The following ITGBL1 variants were observed in gnomAD, a reference collection of about 807,000 sequenced individuals.
The protein encoded by ITGBL1 is integrin subunit beta like 1.
Under a neutral mutation model 68.5 loss-of-function variants are expected in ITGBL1, and 51 were observed. That is an observed-to-expected ratio of 0.74 (90% CI 0.59 to 0.94). The LOEUF is 0.94. Ranked by LOEUF, ITGBL1 falls within the 40% of genes least tolerant of loss-of-function variation. ITGBL1 has a pLI of 0.00. For missense variants in ITGBL1, 649 were observed against 647.4 expected (o/e 1.00, Z -0.03); for synonymous variants, 209 against 227.3 (o/e 0.92, Z 0.72).
intron 7 of ITGBL1, among the ~76,000 whole-genome samples, chr13:101,635,095 C>G (rs556152056): frequency 6.6e-6 from 1 of 151,322 alleles, no homozygotes; most frequent in East Asian, 1.9e-4. Flanking sequence ...ATTATATAGT[C>G]AAAAGAAAAT....
chr13:101,520,869 C>T (rs1165606640), intron 2 of ITGBL1, among the ~76,000 whole-genome samples: 2 of 152,176 alleles, frequency 1.3e-5, no homozygotes, highest in Non-Finnish European at 2.9e-5. Flanking sequence ...TCCACTCAAA[C>T]CCATTGGTGG....
chr13:101,550,135 G>A (rs751323219), intron 2 of ITGBL1, among the ~76,000 whole-genome samples: 17 of 152,104 alleles, frequency 1.1e-4, no homozygotes, highest in Non-Finnish European at 1.9e-4. Flanking sequence ...TTTAGATATT[G>A]GGAGAAAATT....
At chr13:101,701,084 TAG>T (rs1282581899) in intron 8 of ITGBL1, among the ~76,000 whole-genome samples, 1 of 152,190 alleles carries the variant, frequency 6.6e-6, no homozygotes, top group Non-Finnish European at 1.5e-5. Flanking sequence ...ACTAAATTAT[TAG>T]AGTTTATTAA....
intron 7 of ITGBL1, among the ~76,000 whole-genome samples, chr13:101,657,008 A>G (rs997232423): frequency 1.3e-5 from 2 of 149,862 alleles, no homozygotes; most frequent in Non-Finnish European, 3.0e-5. Context: ...CACATTGTGC[A>G]GGTTAGTTAC....
chr13:101,640,563 C>T (rs937105395), intron 7 of ITGBL1, among the ~76,000 whole-genome samples: 1 of 152,108 alleles, frequency 6.6e-6, no homozygotes, highest in African/African-American at 2.4e-5. Context: ...AGAACGCACA[C>T]TTTTCTTATT....
intron 8 of ITGBL1, among the ~76,000 whole-genome samples, chr13:101,699,451 G>A (rs2034080318): frequency 6.6e-6 from 1 of 152,184 alleles, no homozygotes; most frequent in African/African-American, 2.4e-5. Flanking sequence ...GGGACCAAGT[G>A]GGAGGTAATT....
At chr13:101,710,444 C>T (rs901422139) in intron 9 of ITGBL1, among the ~76,000 whole-genome samples, 3 of 152,160 alleles carry the variant, frequency 2.0e-5, no homozygotes, top group Admixed American at 2.0e-4. Context: ...CAGTGGGGAG[C>T]ACTACCCCAC....
intron 5 of ITGBL1, among the ~76,000 whole-genome samples, chr13:101,579,842 G>A (rs1352772273): frequency 6.6e-6 from 1 of 152,092 alleles, no homozygotes; most frequent in Non-Finnish European, 1.5e-5. Context: ...ATGAGTATAT[G>A]GAAGGCTTGG....
intron 2 of ITGBL1, among the ~76,000 whole-genome samples, chr13:101,520,424 G>T (rs911833557): frequency 7.9e-5 from 12 of 152,104 alleles, no homozygotes; most frequent in Non-Finnish European, 1.8e-4. Context: ...TTTTAAATGA[G>T]TGTGATAGTA....
intron 2 of ITGBL1, among the ~76,000 whole-genome samples, chr13:101,516,543 T>G (rs2139123566): frequency 6.6e-6 from 1 of 152,236 alleles, no homozygotes; most frequent in African/African-American, 2.4e-5. Context: ...GACTGCATTT[T>G]AAAAATATGC....
chr13:101,605,040 ACG>A (rs2030668809), intron 7 of ITGBL1, among the ~76,000 whole-genome samples: 3 of 136,882 alleles, frequency 2.2e-5, no homozygotes, highest in East Asian at 4.5e-4. Context: ...ATATACATAT[ACG>A]CATATATGTG....
chr13:101,493,755 C>T (rs960850499), intron 2 of ITGBL1, among the ~76,000 whole-genome samples: 16 of 152,198 alleles, frequency 1.1e-4, no homozygotes, highest in African/African-American at 3.4e-4. Flanking sequence ...GACACAAGTC[C>T]ATTAGCTTCA....
At chr13:101,681,132 A>T (rs2033629916) in intron 7 of ITGBL1, among the ~76,000 whole-genome samples, 1 of 152,206 alleles carries the variant, frequency 6.6e-6, no homozygotes, top group Non-Finnish European at 1.5e-5. Context: ...AGTAATGCAG[A>T]CATTTAAGAT....
intron 2 of ITGBL1, among the ~76,000 whole-genome samples, chr13:101,560,292 G>A (rs2050078373): frequency 6.6e-6 from 1 of 152,086 alleles, no homozygotes; most frequent in Non-Finnish European, 1.5e-5. Flanking sequence ...CTGGAAAATA[G>A]GACACAAAAC....
At chr13:101,676,151 T>C (rs1476275932) in intron 7 of ITGBL1, among the ~76,000 whole-genome samples, 1 of 152,146 alleles carries the variant, frequency 6.6e-6, no homozygotes. Context: ...TGTTTTTTTC[T>C]CTTTTATTTT....
intron 2 of ITGBL1, among the ~76,000 whole-genome samples, chr13:101,479,258 C>T (rs1293706410): frequency 6.6e-6 from 1 of 152,018 alleles, no homozygotes; most frequent in Non-Finnish European, 1.5e-5. Context: ...TATCCATATG[C>T]AGAAGAATAA....
chr13:101,700,625 T>C (rs2034114595), intron 8 of ITGBL1, among the ~76,000 whole-genome samples: 2 of 152,132 alleles, frequency 1.3e-5, no homozygotes, highest in African/African-American at 4.8e-5. Context: ...ATTTAGATTT[T>C]TTTTACCAAG....
chr13:101,715,589 T>G lies in ITGBL1; in HGVS notation c.1420T>G (p.Cys474Gly), dbSNP rs745647403. The G allele has an allele frequency of 1.2e-6, 2 of 1,613,232 alleles. No individual in the cohort carries two copies. The highest frequency in any genetic ancestry group is 4.5e-5 in the East Asian group (2 of 44,838). The change falls in exon 11 of 11, where the codon TGT becomes GGT. Residue 474 changes from cysteine (C) to glycine (G), a missense_variant. Cys to Gly is a radical substitution (Grantham distance 159). Coordinates refer to ENST00000376180, the MANE Select transcript of ITGBL1 (RefSeq NM_004791.3). ...GAATGGAATATGTAGCTGTGGAAAC[T>G]GTGAATGCTGGGATGGATGGAATGG... is the stretch of plus-strand genomic sequence containing the variant. Reference protein sequence around the residue: ...TGNGICSCGNCECWDGWNGNA... With the variant: ...TGNGICSCGNGECWDGWNGNA...
At position 101,692,339 on chromosome 13, in the gene ITGBL1, G is replaced by C. The variant is rs574152860; in HGVS notation, c.1016-246G>C. On this transcript the variant is annotated intron_variant, in intron 7 of 10. Transcript: ENST00000376180. ...TCAAAAATGAATGAAACAAAAATTA[G>C]AGAATAGCAAATGTGAATGACTTCT... Among the ~76,000 whole-genome samples, 3 of 152,300 alleles carry C rather than the reference G, an allele frequency of 2.0e-5. No homozygotes were observed. The South Asian group carries it at 6.2e-4, about 32-fold the overall frequency.
Sources: gnomAD v4.1 joint callset for allele counts (sites outside exome capture counted in the v4.1 genomes callset) on GRCh38, gnomAD v4.1.1 for gene constraint, MANE v1.5 for transcripts, NCBI Gene and HGNC (gene_info 2026-07-23, HGNC 2026-07-21) for gene names.